The following MYO18B variants were observed in gnomAD, a reference collection of about 807,000 sequenced individuals.
MYO18B encodes the protein unconventional myosin-XVIIIb.
In MYO18B, 204 loss-of-function variants were observed where a neutral mutation model predicts 273.0. The observed-to-expected ratio is 0.75, with a 90% CI of 0.67 to 0.84. The LOEUF is 0.84. Among genes scored for constraint, MYO18B ranks in the 40% least tolerant of loss-of-function variants. The probability of loss-of-function intolerance (pLI) is 0.00; values close to 1 mark genes in which losing one functional copy is unlikely to be tolerated. For synonymous variants in MYO18B, 1,330 were observed against 1,305.7 expected (o/e 1.02, Z -0.40); for missense variants, 3,212 against 3,287.6 (o/e 0.98, Z 0.56).
intron 22 of MYO18B, among the ~76,000 whole-genome samples, chr22:25,870,906 G>T (rs1179356475): frequency 6.6e-6 from 1 of 152,170 alleles, no homozygotes. Context: ...TCTTGCAGAA[G>T]AAGAAAGAAA....
At chr22:25,770,243 C>A in intron 5 of MYO18B, 67 bp downstream of exon 5, 1 of 1,496,814 alleles carries the variant, frequency 6.7e-7, no homozygotes, top group South Asian at 1.1e-5. Flanking sequence ...TGCTGCCAGC[C>A]ATATGTTCCA....
At chr22:25,819,508 T>G (rs2145870932) in intron 12 of MYO18B, among the ~76,000 whole-genome samples, 1 of 151,942 alleles carries the variant, frequency 6.6e-6, no homozygotes, top group Middle Eastern at 3.4e-3. Context: ...CTTTAATGCC[T>G]CTCTCTAATA....
intron 33 of MYO18B, among the ~76,000 whole-genome samples, chr22:25,912,934 A>G (rs2092186044): frequency 6.6e-6 from 1 of 152,252 alleles, no homozygotes. Context: ...CTATAATGAT[A>G]CATGCAGTTC....
chr22:25,768,423 G>A lies in MYO18B; in HGVS notation c.507G>A (p.Lys169=), dbSNP rs56195244. Reference sequence around the variant, plus strand: ...ACCCGGACTCAGCCAAGCCAGAGAAGACTCATCCCCATGACGCCCCCCCTT... The same window carrying A: ...ACCCGGACTCAGCCAAGCCAGAGAAAACTCATCCCCATGACGCCCCCCCTT... The part of the protein sequence containing the change: ...KLDPDSAKPE[K]THPHDAPPCK... Residue 169 remains lysine (K), a synonymous_variant, in exon 4 of 44, where the codon AAG becomes AAA. Coordinates refer to ENST00000335473, the MANE Select transcript of MYO18B (RefSeq NM_032608.7). The A allele has an allele frequency of 3.4e-3, 5,566 of 1,613,514 alleles. 210 individuals carry two copies. In the African/African-American group the frequency reaches 0.067, roughly 19 times the overall value.
In MYO18B at chr22:25,769,128, C is replaced by T. The variant is rs772481621; in HGVS notation, c.1212C>T (p.Asn404=). 6.4e-5 allele frequency: 103 copies of T among 1,613,452 alleles called. No individual in the cohort carries two copies. The highest frequency in any genetic ancestry group is 2.8e-4 in the African/African-American group (21 of 74,912). ...GGCAACCCCAGGGTAAGTCCGGGAACGCAGGTGAAGCTCGGAGTCAGACAG... is the reference window on the plus strand; with the variant it reads ...GGCAACCCCAGGGTAAGTCCGGGAATGCAGGTGAAGCTCGGAGTCAGACAG... ...KMGQPQGKSG[N]AGEARSQTEK... The change falls in exon 4 of 44, where the codon AAC becomes AAT. Residue 404 remains asparagine, a synonymous_variant. Coordinates refer to ENST00000335473, the MANE Select transcript of MYO18B (RefSeq NM_032608.7).
the MYO18B span, among the ~76,000 whole-genome samples, chr22:26,063,297 C>T: frequency 3.3e-5 from 5 of 152,248 alleles, no homozygotes; most frequent in African/African-American, 1.2e-4. Flanking sequence ...AAACAAGTGG[C>T]AGAAATGAGA....
chr22:25,776,797 T>TTG (rs1262188022), intron 7 of MYO18B, among the ~76,000 whole-genome samples: 9 of 152,050 alleles, frequency 5.9e-5, no homozygotes, highest in Non-Finnish European at 1.3e-4. Flanking sequence ...GGTTGTGGGG[T>TTG]TGTGGAGAGG....
chr22:25,850,103 G>A (rs541279405), intron 20 of MYO18B, among the ~76,000 whole-genome samples: 1 of 152,282 alleles, frequency 6.6e-6, no homozygotes, highest in Admixed American at 6.5e-5. Flanking sequence ...AAGCTGGTCT[G>A]AGACCCTCCT....
the MYO18B span, among the ~76,000 whole-genome samples, chr22:26,041,365 A>AAG: frequency 6.6e-6 from 1 of 150,818 alleles, no homozygotes; most frequent in East Asian, 1.9e-4. Flanking sequence ...AAAAAAAAAA[A>AAG]AAAAAAACAA....
chr22:25,951,598 T>C (rs2092793648), intron 37 of MYO18B, among the ~76,000 whole-genome samples: 1 of 152,204 alleles, frequency 6.6e-6, no homozygotes, highest in Non-Finnish European at 1.5e-5. Context: ...TCATGGTCCC[T>C]CCAAACATCT....
chr22:25,895,057 T>C (rs2091763962), intron 27 of MYO18B, 99 bp from the exon 28 acceptor site: 4 of 1,393,380 alleles, frequency 2.9e-6, no homozygotes, highest in Non-Finnish European at 3.9e-6. Flanking sequence ...TATTGTGAAA[T>C]TGCATGCCAA....
intron 17 of MYO18B, among the ~76,000 whole-genome samples, chr22:25,839,585 G>A (rs1220312413): frequency 6.6e-6 from 1 of 152,330 alleles, no homozygotes; most frequent in Non-Finnish European, 1.5e-5. Context: ...CTGAGGTCCA[G>A]TGGCTTCCCA....
chr22:25,764,064 G>C (rs952471798), intron 3 of MYO18B, among the ~76,000 whole-genome samples: 1 of 152,156 alleles, frequency 6.6e-6, no homozygotes, highest in Non-Finnish European at 1.5e-5. Context: ...CCTTGGAATG[G>C]CTACAATCCA....
At position 25,846,156 on chromosome 22, in the gene MYO18B, C is replaced by T. The variant is rs1388991361; in HGVS notation, c.3425C>T (p.Ala1142Val). 1 of 1,609,014 alleles carries T rather than the reference C, an allele frequency of 6.2e-7. No individual in the cohort carries two copies. Among genetic ancestry groups the T allele is most frequent in the Non-Finnish European group, 8.5e-7 (1 of 1,178,542 alleles). The part of the protein sequence containing the change: ...ARAKLPPVCR[A>V]VAGLEGTSQQ... ...GCCAAGCTGCCTCCTGTGTGCCGGGCTGTGGCAGGCCTGGAGGGCACCTCC... is the reference window on the plus strand; with the variant it reads ...GCCAAGCTGCCTCCTGTGTGCCGGGTTGTGGCAGGCCTGGAGGGCACCTCC... Residue 1142 changes from alanine to valine, a missense_variant, in exon 19 of 44, where the codon GCT becomes GTT. Coordinates refer to ENST00000335473, the MANE Select transcript of MYO18B (RefSeq NM_032608.7).
chr22:25,972,977 A>G (rs996175960), intron 39 of MYO18B, among the ~76,000 whole-genome samples: 16 of 149,592 alleles, frequency 1.1e-4, no homozygotes, highest in African/African-American at 3.7e-4. Flanking sequence ...AAAAAAAAAA[A>G]GAGATAGGAT....
intron 33 of MYO18B, among the ~76,000 whole-genome samples, chr22:25,912,403 A>G (rs1480009121): frequency 1.3e-5 from 2 of 152,234 alleles, no homozygotes; most frequent in African/African-American, 4.8e-5. Context: ...TATTCAGCAT[A>G]GTCTGAGAAA....
At chr22:26,011,736 C>T (rs972019424) in intron 42 of MYO18B, among the ~76,000 whole-genome samples, 3 of 152,186 alleles carry the variant, frequency 2.0e-5, no homozygotes, top group Admixed American at 2.0e-4. Flanking sequence ...ATTACCAAGC[C>T]TGGCTTTCTG....
intron 42 of MYO18B, among the ~76,000 whole-genome samples, chr22:26,018,849 G>A (rs1196872539): frequency 6.6e-6 from 1 of 152,122 alleles, no homozygotes; most frequent in Non-Finnish European, 1.5e-5. Context: ...CCAGCTGCTT[G>A]GGAGGCTGAG....
At position 26,004,720 on chromosome 22, in the gene MYO18B, A is replaced by G; in HGVS notation, c.6335A>G (p.Asp2112Gly). 1 of 1,613,660 alleles carries G rather than the reference A, an allele frequency of 6.2e-7. No homozygotes were observed. Among genetic ancestry groups the G allele is most frequent in the Non-Finnish European group, 8.5e-7 (1 of 1,179,722 alleles). Residue 2112 changes from aspartate (D) to glycine (G), a missense_variant and splice_region_variant, in exon 42 of 44, where the codon GAT becomes GGT. Asp to Gly is a moderately conservative substitution (Grantham distance 94). Coordinates refer to ENST00000335473, the MANE Select transcript of MYO18B (RefSeq NM_032608.7). ...DCGSSGRKEMDNVSILSSQPE... is the reference protein window; with the variant it reads ...DCGSSGRKEMGNVSILSSQPE... Reference sequence around the variant, plus strand: ...GGTGTCCTGCAATCTTATTCTAGGGATAACGTCTCCATCCTCAGCTCCCAG... The same window carrying G: ...GGTGTCCTGCAATCTTATTCTAGGGGTAACGTCTCCATCCTCAGCTCCCAG...
Sources: allele counts gnomAD v4.1 joint callset (sites outside exome capture counted in the v4.1 genomes callset), GRCh38; gene constraint gnomAD v4.1.1; transcripts MANE v1.5; gene names NCBI Gene and HGNC (gene_info 2026-07-23, HGNC 2026-07-21).